The following HGF variants were observed in gnomAD, a reference collection of about 807,000 sequenced individuals.
HGF encodes the protein hepatocyte growth factor, also known as fibroblast-derived tumor cytotoxic factor.
Under a neutral mutation model 111.6 loss-of-function variants are expected in HGF, and 39 were observed. The observed-to-expected ratio is 0.35, with a 90% CI of 0.27 to 0.46. The LOEUF is 0.46. Ranked by LOEUF, HGF falls within the 20% of genes least tolerant of loss-of-function variation. The pLI is 1.00. For synonymous variants in HGF, 285 were observed against 294.8 expected (o/e 0.97, Z 0.34); for missense variants, 735 against 910.5 (o/e 0.81, Z 2.48).
chr7:81,728,708 C>A (rs1368448947), intron 8 of HGF, among the ~76,000 whole-genome samples: 2 of 152,184 alleles, frequency 1.3e-5, no homozygotes, highest in African/African-American at 4.8e-5. Context: ...TGCATGCACA[C>A]ACACACATAC....
At chr7:81,736,790 A>AT (rs1449533332) in intron 7 of HGF, 2 of 459,402 alleles carry the variant, frequency 4.4e-6, no homozygotes, top group Non-Finnish European at 8.7e-6. Context: ...ATGAAGTCAC[A>AT]TATAAGGTTA....
In HGF at chr7:81,720,699, T is replaced by C; in HGVS notation, c.1271+46A>G. The C allele has an allele frequency of 5.0e-6, 5 of 1,008,668 alleles. 1 individual carries two copies. The highest frequency in any genetic ancestry group is 7.9e-6 in the Non-Finnish European group (5 of 629,070). The allele number at this position is 1,008,668 out of a possible 1,614,324, so 62.5% of individuals were successfully genotyped here. A position where few individuals can be genotyped will look rare whatever the true frequency, so the allele number is the denominator to read the frequency against. ...TGTACATATCTAAATACACAGTCTG[T>C]TGGTATCACTACATTCTATATATTG... On this transcript the variant is annotated intron_variant, in intron 10 of 17. Coordinates refer to ENST00000222390, the MANE Select transcript of HGF (RefSeq NM_000601.6).
intron 5 of HGF, among the ~76,000 whole-genome samples, chr7:81,745,657 TA>T (rs1383139130): frequency 6.6e-6 from 1 of 152,224 alleles, no homozygotes; most frequent in African/African-American, 2.4e-5. Flanking sequence ...AGAATACGGA[TA>T]TTTTTAAAAA....
chr7:81,707,261 A>G (rs751391507), intron 14 of HGF, 29 bp downstream of exon 14: 74 of 1,322,610 alleles, frequency 5.6e-5, no homozygotes, highest in Admixed American at 5.1e-5. Context: ...TAAAGGCTCA[A>G]AATAATACTA....
At chr7:81,725,004 C>G (rs1199936744) in intron 9 of HGF, among the ~76,000 whole-genome samples, 3 of 152,204 alleles carry the variant, frequency 2.0e-5, no homozygotes. Context: ...ACACTGCTAA[C>G]AACCAGGGTC....
chr7:81,755,556 T>C (rs1788726024), intron 4 of HGF: 1 of 153,234 alleles, frequency 6.5e-6, no homozygotes, highest in Non-Finnish European at 1.5e-5. Context: ...ATCACGATCA[T>C]AGAAAACTCA....
At chr7:81,735,605 G>A (rs375883471) in intron 7 of HGF, among the ~76,000 whole-genome samples, 35 of 152,022 alleles carry the variant, frequency 2.3e-4, no homozygotes, top group Middle Eastern at 3.4e-3. Flanking sequence ...TTTAAAAGAC[G>A]ACTATGTTCT....
chr7:81,741,729 G>A (rs749923929), intron 7 of HGF, among the ~76,000 whole-genome samples: 6 of 151,484 alleles, frequency 4.0e-5, no homozygotes, highest in South Asian at 2.1e-4. Flanking sequence ...ACCTGAGGTC[G>A]GGAGTTCGAG....
Position 81,702,887 on chromosome 7 carries a change from G to GAT in HGF, c.2011-132_2011-131dup. On this transcript the variant is annotated intron_variant, in intron 17 of 17. Coordinates refer to ENST00000222390, the MANE Select transcript of HGF (RefSeq NM_000601.6). ...AGAATAACTGCAACTGAAATATGAAGATATAAAAATTAGTGTACTAGACAT... is the reference window on the plus strand; with the variant it reads ...AGAATAACTGCAACTGAAATATGAAGATATATAAAAATTAGTGTACTAGACAT... 3.9e-6 allele frequency: 3 copies of GAT among 768,084 alleles called. No homozygotes were observed. In the South Asian group the frequency reaches 5.0e-5, roughly 13 times the overall value. The allele number at this position is 768,084 out of a possible 1,614,324, so 47.6% of individuals were successfully genotyped here.
chr7:81,750,405 C>T (rs17155438), intron 5 of HGF, among the ~76,000 whole-genome samples: 5 of 152,054 alleles, frequency 3.3e-5, no homozygotes, highest in African/African-American at 4.8e-5. Context: ...CCTTTGGTGC[C>T]GCGGTGACCA....
At chr7:81,727,636 C>A (rs993855018) in intron 8 of HGF, among the ~76,000 whole-genome samples, 27 of 152,058 alleles carry the variant, frequency 1.8e-4, no homozygotes, top group Non-Finnish European at 3.7e-4. Context: ...ATGAACTTTG[C>A]ATACACTTTG....
intron 14 of HGF, among the ~76,000 whole-genome samples, chr7:81,706,649 A>G (rs944357253): frequency 6.6e-6 from 1 of 152,014 alleles, no homozygotes; most frequent in Admixed American, 6.6e-5. Flanking sequence ...CTAAATGACT[A>G]TTTTAGAAAC....
At position 81,705,418 on chromosome 7, in the gene HGF, G is replaced by T. The variant is rs2115759717; in HGVS notation, c.1982C>A (p.Ala661Asp). The T allele has an allele frequency of 6.2e-7, 1 of 1,612,620 alleles. No individual in the cohort carries two copies. The highest frequency in any genetic ancestry group is 8.5e-7 in the Non-Finnish European group (1 of 1,179,080). Residue 661 changes from alanine to aspartate, a missense_variant, in exon 17 of 18, where the codon GCT (alanine) becomes GAT (aspartate). By Grantham distance (126) the Ala-to-Asp change is moderately radical. This residue lies in a region of HGF where 52 missense variants were observed against 95.0 expected (regional missense o/e 0.55). Coordinates refer to ENST00000222390, the MANE Select transcript of HGF (RefSeq NM_000601.6). Reference sequence around the variant, plus strand: ...ACATGGTCCTGATCCAATCTTTTCAGCCCCAGCACATATTTCAGACTCATT... The same window carrying T: ...ACATGGTCCTGATCCAATCTTTTCATCCCCAGCACATATTTCAGACTCATT... ...TLNESEICAG[A>D]EKIGSGPCEG...
At position 81,701,952 on chromosome 7, in the gene HGF, T is replaced by C. The variant is rs997776190; in HGVS notation, c.*629A>G. 4.2e-5 allele frequency: 7 copies of C among 165,204 alleles called. No homozygotes were observed. The highest frequency in any genetic ancestry group is 1.7e-4 in the African/African-American group (7 of 41,888). 10.2% of individuals were successfully genotyped at this position (165,204 alleles called of 1,614,324 possible). A position where few individuals can be genotyped will look rare whatever the true frequency, so the allele number is the denominator to read the frequency against. On this transcript the variant is annotated 3_prime_UTR_variant, in exon 18 of 18. Transcript: ENST00000222390. Reference sequence around the variant, plus strand: ...TTTTTGAGGTAAAACTATAGGTACATACTTCTAAAATATTTAGGGGTTACA... The same window carrying C: ...TTTTTGAGGTAAAACTATAGGTACACACTTCTAAAATATTTAGGGGTTACA...
chr7:81,721,195 C>T (rs1789851469), intron 9 of HGF, among the ~76,000 whole-genome samples: 1 of 152,018 alleles, frequency 6.6e-6, no homozygotes, highest in African/African-American at 2.4e-5. Flanking sequence ...TGCCGTGAGC[C>T]GAGATGGCGC....
chr7:81,756,009 T>G (rs1471472831), intron 4 of HGF: 11 of 701,498 alleles, frequency 1.6e-5, no homozygotes, highest in Non-Finnish European at 2.6e-5. Context: ...CAGAATTGTG[T>G]CCCCAAAATG....
chr7:81,746,341 G>A lies in HGF; in HGVS notation c.626-1221C>T, dbSNP rs76683682. 1.2e-3 allele frequency among the ~76,000 whole-genome samples: 183 copies of A among 152,078 alleles called. 4 individuals carry two copies. In the East Asian group the frequency reaches 0.032, roughly 26 times the overall value. ...ACTACACCCAATAAGCACCTGAACTGTAAATGAGTGGAGTCCATGAGCATA... is the reference window on the plus strand; with the variant it reads ...ACTACACCCAATAAGCACCTGAACTATAAATGAGTGGAGTCCATGAGCATA... On this transcript the variant is annotated intron_variant, in intron 5 of 17. Transcript: ENST00000222390.
At chr7:81,724,431 G>A (rs574455317) in intron 9 of HGF, among the ~76,000 whole-genome samples, 5 of 152,214 alleles carry the variant, frequency 3.3e-5, no homozygotes, top group African/African-American at 7.2e-5. Context: ...GGCTAACCAC[G>A]ATCATGACCA....
At chr7:81,716,269 C>G (rs5745729) in intron 11 of HGF, among the ~76,000 whole-genome samples, 1 of 152,024 alleles carries the variant, frequency 6.6e-6, no homozygotes, top group South Asian at 2.1e-4. Flanking sequence ...CAGCATCTAC[C>G]CCAAAATGTG....
Sources: allele counts gnomAD v4.1 joint callset (sites outside exome capture counted in the v4.1 genomes callset), GRCh38; gene constraint gnomAD v4.1.1; regional missense constraint gnomAD v4.1.1; transcripts MANE v1.5; gene names NCBI Gene and HGNC (gene_info 2026-07-23, HGNC 2026-07-21).